COL8A2: variants seen among roughly 807,000 people sequenced by gnomAD.
The protein encoded by COL8A2 is collagen type VIII alpha 2 chain, also known as collagen alpha-2(VIII) chain.
A neutral mutation model predicts 24.0 loss-of-function variants in COL8A2; 16 were observed. That is an observed-to-expected ratio of 0.67 (90% CI 0.45 to 1.01). COL8A2 has a LOEUF of 1.01. Ranked by LOEUF, COL8A2 falls within the 50% of genes least tolerant of loss-of-function variation. COL8A2 has a pLI of 0.00. For missense variants in COL8A2, 818 were observed against 942.4 expected (o/e 0.87, Z 1.73); for synonymous variants, 466 against 424.5 (o/e 1.10, Z -1.20).
chr1:36,102,679 T>C (rs956796631), intron 2 of COL8A2, among the ~76,000 whole-genome samples: 2 of 138,546 alleles, frequency 1.4e-5, no homozygotes, highest in Admixed American at 1.5e-4. Flanking sequence ...TTGTTTTTTT[T>C]TTTTTTTTTT....
chr1:36,105,230 A>ACCCC (rs1643741584), intron 2 of COL8A2, among the ~76,000 whole-genome samples: 1 of 152,148 alleles, frequency 6.6e-6, no homozygotes, highest in African/African-American at 2.4e-5. Context: ...CAGTTCTACC[A>ACCCC]CCAACCCACT....
chr1:36,109,999 G>A (rs572889540), intron 2 of COL8A2, among the ~76,000 whole-genome samples: 122 of 137,050 alleles, frequency 8.9e-4, no homozygotes, highest in South Asian at 5.1e-3. Flanking sequence ...GCGCGATCTC[G>A]ACTCACTGCA....
Position 36,099,380 on chromosome 1 carries a change from C to T in COL8A2, c.301G>A (p.Gly101Ser). 1.3e-6 allele frequency: 2 copies of T among 1,569,260 alleles called. No individual in the cohort carries two copies. The highest frequency in any genetic ancestry group is 1.7e-6 in the Non-Finnish European group (2 of 1,161,002). ...PGPPGFPGKPGMGKPGLHGQP... is the reference protein window; with the variant it reads ...PGPPGFPGKPSMGKPGLHGQP... ...CCATGGAGTCCTGGCTTTCCCATGC[C>T]TGGTTTTCCTGGGAAGCCAGGGGGG... is the stretch of plus-strand genomic sequence containing the variant. Residue 101 changes from glycine to serine, a missense_variant, in exon 4 of 4, where the codon GGC (glycine) becomes AGC (serine). Physicochemically the swap from Gly to Ser is moderately conservative, Grantham distance 56. This residue lies in a region of COL8A2 where 573 missense variants were observed against 616.8 expected (regional missense o/e 0.93). Coordinates refer to ENST00000397799, the MANE Select transcript of COL8A2 (RefSeq NM_005202.4).
At position 36,097,764 on chromosome 1, in the gene COL8A2, C is replaced by T; in HGVS notation, c.1917G>A (p.Lys639=). The change falls in exon 4 of 4, where the codon AAG becomes AAA. Residue 639 remains lysine (K), a synonymous_variant. Coordinates refer to ENST00000397799, the MANE Select transcript of COL8A2 (RefSeq NM_005202.4). The stretch of plus-strand genomic sequence containing the variant: ...AGGTATAGGTGGCCGGCACGTTGTT[C>T]TTGTACAGGGCCACCCACACGTTGG... ...KGTNVWVALY[K]NNVPATYTYD... 1.2e-6 allele frequency: 2 copies of T among 1,612,644 alleles called. No individual in the cohort carries two copies. The highest frequency in any genetic ancestry group is 1.7e-6 in the Non-Finnish European group (2 of 1,179,626).
chr1:36,105,523 A>G (rs374747731), intron 2 of COL8A2, among the ~76,000 whole-genome samples: 1 of 152,264 alleles, frequency 6.6e-6, no homozygotes, highest in East Asian at 1.9e-4. Flanking sequence ...TGATGGCAGA[A>G]CCCATCAAGG....
At chr1:36,103,204 A>G (rs1022522008) in intron 2 of COL8A2, among the ~76,000 whole-genome samples, 5 of 152,114 alleles carry the variant, frequency 3.3e-5, no homozygotes, top group East Asian at 1.9e-4. Context: ...GGCTCAAGCA[A>G]TCCTCCCACC....
In COL8A2 at chr1:36,100,085, C is replaced by A; in HGVS notation, c.158G>T (p.Gly53Val). 6.2e-7 allele frequency: 1 copy of A among 1,612,028 alleles called. No individual in the cohort carries two copies. Among genetic ancestry groups the A allele is most frequent in the Non-Finnish European group, 8.5e-7 (1 of 1,178,472 alleles). The change falls in exon 3 of 4, where the codon GGA becomes GTA. Residue 53 changes from glycine to valine, a missense_variant. Gly to Val is a moderately radical substitution (Grantham distance 109). This residue lies in a region of COL8A2 where 573 missense variants were observed against 616.8 expected (regional missense o/e 0.93). Coordinates refer to ENST00000397799, the MANE Select transcript of COL8A2 (RefSeq NM_005202.4). The part of the protein sequence containing the change: ...YIQPMQKGPV[G>V]PPFREGKGQY... The stretch of plus-strand genomic sequence containing the variant: ...GCCTTTGCCCTCACGGAAGGGCGGT[C>A]CCACAGGTCCTTTCTGCATGGGCTG...
chr1:36,107,791 T>C (rs1435028756), intron 2 of COL8A2, among the ~76,000 whole-genome samples: 1 of 150,998 alleles, frequency 6.6e-6, no homozygotes, highest in Non-Finnish European at 1.5e-5. Context: ...TCCTTTTCAC[T>C]GCAATCCCTG....
chr1:36,105,058 G>A (rs1462055653), intron 2 of COL8A2, among the ~76,000 whole-genome samples: 1 of 152,110 alleles, frequency 6.6e-6, no homozygotes, highest in Non-Finnish European at 1.5e-5. Context: ...TGGGTTGTGG[G>A]CGTCTGGGGA....
chr1:36,117,064 C>T (rs1643883110), intron 1 of COL8A2, among the ~76,000 whole-genome samples: 2 of 152,362 alleles, frequency 1.3e-5, no homozygotes, highest in South Asian at 2.1e-4. Context: ...GGCCTGCAGG[C>T]CGCGTCACTC....
chr1:36,121,888 C>A (rs1003681983), intron 1 of COL8A2, among the ~76,000 whole-genome samples: 1 of 152,080 alleles, frequency 6.6e-6, no homozygotes, highest in Non-Finnish European at 1.5e-5. Flanking sequence ...CCCTCTGAGT[C>A]TCCATAACCC....
intron 1 of COL8A2, among the ~76,000 whole-genome samples, chr1:36,116,457 T>C (rs951152938): frequency 1.3e-5 from 2 of 152,198 alleles, no homozygotes; most frequent in Non-Finnish European, 2.9e-5. Flanking sequence ...TGGGGAAGCT[T>C]CTACTATGTG....
intron 1 of COL8A2, among the ~76,000 whole-genome samples, chr1:36,122,559 C>T (rs1483375683): frequency 6.6e-6 from 1 of 152,188 alleles, no homozygotes; most frequent in African/African-American, 2.4e-5. Context: ...CTCCCCTGCA[C>T]CTGCCTTCTC....
Position 36,098,158 on chromosome 1 carries a change from G to T in COL8A2, c.1523C>A (p.Pro508His). The T allele has an allele frequency of 6.7e-7, 1 of 1,484,826 alleles. No homozygotes were observed. The highest frequency in any genetic ancestry group is 8.9e-7 in the Non-Finnish European group (1 of 1,122,672). 92.0% of individuals were successfully genotyped at this position (1,484,826 alleles called of 1,614,324 possible). The change falls in exon 4 of 4, where the codon CCC becomes CAC. Residue 508 changes from proline (P) to histidine (H), a missense_variant. Pro to His is a moderately conservative substitution (Grantham distance 77). Coordinates refer to ENST00000397799, the MANE Select transcript of COL8A2 (RefSeq NM_005202.4). The part of the protein sequence containing the change: ...GEPGTAGPTG[P>H]PGVPGSPGIT... ...TCCAGGGGAGCCAGGGACCCCTGGG[G>T]GCCCCGTGGGCCCAGCCGTGCCAGG...
Position 36,100,201 on chromosome 1 carries a change from C to T in COL8A2, c.42G>A (p.Leu14=). 6 of 1,592,486 alleles carry T rather than the reference C, an allele frequency of 3.8e-6. No homozygotes were observed. Among genetic ancestry groups the T allele is most frequent in the Non-Finnish European group, 5.1e-6 (6 of 1,170,218 alleles). ...CACACCCCAGCACCAGCACCAGTAG[C>T]AGCAGCAGCAGCGAAGACAGGGGTG... ...TLTPLSSLLL[L]LLVLVLGCGP... The change falls in exon 3 of 4, where the codon CTG becomes CTA. Residue 14 remains leucine (L), a synonymous_variant. Transcript: ENST00000397799.
intron 2 of COL8A2, among the ~76,000 whole-genome samples, chr1:36,109,298 G>GC (rs1179531182): frequency 6.6e-6 from 1 of 152,210 alleles, no homozygotes; most frequent in Non-Finnish European, 1.5e-5. Context: ...CTGCGCTCTT[G>GC]CTGGGTCTCT....
At position 36,121,430 on chromosome 1, in the gene COL8A2, C is replaced by T. The variant is rs1431710230; in HGVS notation, c.-62+3627G>A. Among the ~76,000 whole-genome samples, 5 of 129,650 alleles carry T rather than the reference C, an allele frequency of 3.9e-5. No homozygotes were observed. In the East Asian group the frequency reaches 1.2e-3, roughly 32 times the overall value. 85.1% of individuals were successfully genotyped at this position (129,650 alleles called of 152,430 possible). On this transcript the variant is annotated intron_variant, in intron 1 of 3. Coordinates refer to ENST00000397799, the MANE Select transcript of COL8A2 (RefSeq NM_005202.4). ...AAAAAAAAAGTTGCTGTTCTAATTC[C>T]TTCTTATTGGCCAGGCACAGTGGCT... is the stretch of plus-strand genomic sequence containing the variant.
intron 1 of COL8A2, among the ~76,000 whole-genome samples, chr1:36,118,952 C>A (rs1643892094): frequency 6.6e-6 from 1 of 152,206 alleles, no homozygotes; most frequent in South Asian, 2.1e-4. Context: ...CTTATCTCAG[C>A]CCTAGCTCTT....
chr1:36,099,496 G>C lies in COL8A2; in HGVS notation c.194-9C>G. ...CAGCGGTAGAGGCATTTCTGAGAAA[G>C]AAAGAGAAAGGGGCAGTCAGGGGCC... On this transcript the variant is annotated splice_polypyrimidine_tract_variant and intron_variant, in intron 3 of 3. Transcript: ENST00000397799. 1 of 1,529,380 alleles carries C rather than the reference G, an allele frequency of 6.5e-7. No homozygotes were observed. The highest frequency in any genetic ancestry group is 8.8e-7 in the Non-Finnish European group (1 of 1,140,180). 94.7% of individuals were successfully genotyped at this position (1,529,380 alleles called of 1,614,324 possible).
Sources: gnomAD v4.1 joint callset for allele counts (sites outside exome capture counted in the v4.1 genomes callset) on GRCh38, gnomAD v4.1.1 for gene constraint, gnomAD v4.1.1 regional missense constraint, MANE v1.5 for transcripts, NCBI Gene and HGNC (gene_info 2026-07-23, HGNC 2026-07-21) for gene names.